Variants in RNF2 observed in about 807,000 individuals in gnomAD.
The protein encoded by RNF2 is E3 ubiquitin-protein ligase RING2.
In RNF2, 6 loss-of-function variants were observed where a neutral mutation model predicts 37.2. The observed-to-expected ratio is 0.16, with a 90% CI of 0.09 to 0.32. RNF2 has a LOEUF of 0.32. RNF2 is among the 10% of genes least tolerant of loss of function. The pLI is 1.00. For synonymous variants in RNF2, 133 were observed against 132.7 expected (o/e 1.00, Z -0.02); for missense variants, 251 against 404.0 (o/e 0.62, Z 3.25).
chr1:185,069,429 C>T (rs1273081361), intron 1 of RNF2, among the ~76,000 whole-genome samples: 1 of 149,492 alleles, frequency 6.7e-6, no homozygotes, highest in Non-Finnish European at 1.5e-5. Flanking sequence ...TGCACTTCAG[C>T]CAGGGTGATA....
At chr1:185,096,465 C>T (rs1438838939) in intron 4 of RNF2, among the ~76,000 whole-genome samples, 1 of 152,186 alleles carries the variant, frequency 6.6e-6, no homozygotes, top group Non-Finnish European at 1.5e-5. Flanking sequence ...CTCCCTCCCC[C>T]CAGTTCCCGG....
At chr1:185,066,024 G>A (rs1213113540) in intron 1 of RNF2, among the ~76,000 whole-genome samples, 3 of 147,414 alleles carry the variant, frequency 2.0e-5, no homozygotes, top group Non-Finnish European at 3.0e-5. Context: ...TCCTTCCTTT[G>A]TCATTTCCTA....
intron 1 of RNF2, among the ~76,000 whole-genome samples, chr1:185,064,257 T>A (rs369266899): frequency 3.9e-5 from 6 of 152,370 alleles, no homozygotes; most frequent in African/African-American, 1.2e-4. Context: ...TACTTTATTC[T>A]TAGGAATGTA....
At chr1:185,077,034 A>G (rs1289037650) in intron 1 of RNF2, among the ~76,000 whole-genome samples, 2 of 152,140 alleles carry the variant, frequency 1.3e-5, no homozygotes, top group African/African-American at 4.8e-5. Context: ...ATTTTGTGAA[A>G]TTATTTTAAG....
intron 1 of RNF2, among the ~76,000 whole-genome samples, chr1:185,066,618 A>G (rs1489008305): frequency 6.6e-6 from 1 of 152,192 alleles, no homozygotes; most frequent in Non-Finnish European, 1.5e-5. Context: ...CTATCACATG[A>G]TAGCTCAATA....
At chr1:185,082,121 G>T (rs1255918821) in intron 1 of RNF2, among the ~76,000 whole-genome samples, 2 of 152,070 alleles carry the variant, frequency 1.3e-5, no homozygotes, top group South Asian at 2.1e-4. Context: ...CGATATTTTT[G>T]ATTTTCACTC....
At chr1:185,079,575 A>G (rs891421163) in intron 1 of RNF2, among the ~76,000 whole-genome samples, 4 of 152,246 alleles carry the variant, frequency 2.6e-5, no homozygotes, top group African/African-American at 9.6e-5. Context: ...CTCTCCTCTC[A>G]TTGGAACAGT....
At chr1:185,092,687 A>G (rs1651802880) in intron 3 of RNF2, among the ~76,000 whole-genome samples, 1 of 152,110 alleles carries the variant, frequency 6.6e-6, no homozygotes, top group South Asian at 2.1e-4. Flanking sequence ...TATTTCAGTA[A>G]AATAATTTAT....
At chr1:185,067,277 A>G (rs991558412) in intron 1 of RNF2, among the ~76,000 whole-genome samples, 2 of 152,226 alleles carry the variant, frequency 1.3e-5, no homozygotes, top group South Asian at 2.1e-4. Flanking sequence ...TTACAGCTGT[A>G]GTTTTAGATT....
intron 2 of RNF2, among the ~76,000 whole-genome samples, chr1:185,090,167 G>A (rs2102198107): frequency 6.6e-6 from 1 of 152,074 alleles, no homozygotes; most frequent in East Asian, 2.0e-4. Context: ...TGATCCACCC[G>A]CCTCGGCCTC....
intron 4 of RNF2, among the ~76,000 whole-genome samples, chr1:185,097,561 CGTCTTACTCTGGCCCAG>C (rs1557975953): frequency 6.6e-6 from 1 of 152,196 alleles, no homozygotes; most frequent in African/African-American, 2.4e-5. Flanking sequence ...TAAGAGATAG[CGTCTTACTCTGGCCCAG>C]GCCAGAGTAC....
rs549528706 is a variant in RNF2, at chr1:185,098,877, G to A, written c.737+533G>A. ...AGCGATTCTCCTGCCTCAGCCTCCC[G>A]AGTAGCTGGGACTACAGGCTCATGC... On this transcript the variant is annotated intron_variant, in intron 5 of 6. Coordinates refer to ENST00000367510, the MANE Select transcript of RNF2 (RefSeq NM_007212.4). Among the ~76,000 whole-genome samples, 664 of 143,260 alleles carry A rather than the reference G, an allele frequency of 4.6e-3. 5 individuals are homozygous for A. The highest frequency in any genetic ancestry group is 0.017 in the African/African-American group (637 of 38,300). 94.0% of individuals were successfully genotyped at this position (143,260 alleles called of 152,430 possible). A position where few individuals can be genotyped will look rare whatever the true frequency, so the allele number is the denominator to read the frequency against.
chr1:185,052,340 GGATA>G (rs1459434872), intron 1 of RNF2, among the ~76,000 whole-genome samples: 1 of 152,164 alleles, frequency 6.6e-6, no homozygotes. Context: ...ACAGATGAAT[GGATA>G]AACACAATGT....
chr1:185,052,209 T>A (rs1013837757), intron 1 of RNF2, among the ~76,000 whole-genome samples: 10 of 151,968 alleles, frequency 6.6e-5, no homozygotes, highest in African/African-American at 2.2e-4. Flanking sequence ...ACTCTTGACC[T>A]CTCCTACCAC....
chr1:185,064,926 A>G (rs1178984596), intron 1 of RNF2, among the ~76,000 whole-genome samples: 1 of 151,984 alleles, frequency 6.6e-6, no homozygotes, highest in Non-Finnish European at 1.5e-5. Flanking sequence ...TTTTTCTTGC[A>G]ACGTTGCTGA....
At chr1:185,068,943 A>C (rs1241319554) in intron 1 of RNF2, among the ~76,000 whole-genome samples, 1 of 152,166 alleles carries the variant, frequency 6.6e-6, no homozygotes, top group Admixed American at 6.5e-5. Flanking sequence ...TTAGGTGCAG[A>C]ACTCTTGACA....
At chr1:185,082,313 G>A (rs915189830) in intron 1 of RNF2, among the ~76,000 whole-genome samples, 4 of 143,416 alleles carry the variant, frequency 2.8e-5, no homozygotes, top group Non-Finnish European at 6.1e-5. Flanking sequence ...ACTATGCTCC[G>A]CGTCTTCAAG....
chr1:185,084,236 G>A (rs1651514140), intron 1 of RNF2, among the ~76,000 whole-genome samples: 5 of 152,058 alleles, frequency 3.3e-5, no homozygotes, highest in Admixed American at 3.3e-4. Flanking sequence ...CTATCTGTTG[G>A]CTTTAATTGT....
At chr1:185,067,435 A>G (rs1650828375) in intron 1 of RNF2, among the ~76,000 whole-genome samples, 1 of 152,228 alleles carries the variant, frequency 6.6e-6, no homozygotes, top group Admixed American at 6.5e-5. Flanking sequence ...CATTGCTTTA[A>G]TTAAGGAAGA....
Sources: gnomAD v4.1 joint callset for allele counts (sites outside exome capture counted in the v4.1 genomes callset) on GRCh38, gnomAD v4.1.1 for gene constraint, MANE v1.5 for transcripts, NCBI Gene and HGNC (gene_info 2026-07-23, HGNC 2026-07-21) for gene names.